TECRL: variants seen among roughly 807,000 people sequenced by gnomAD.
TECRL encodes the protein trans-2,3-enoyl-CoA reductase-like.
A neutral mutation model predicts 52.8 loss-of-function variants in TECRL; 63 were observed. That is an observed-to-expected ratio of 1.19 (90% CI 0.97 to 1.47). The LOEUF (loss-of-function observed/expected upper bound fraction) is 1.47, where lower values mean the gene tolerates loss of function less well. Among genes scored for constraint, TECRL ranks in the 40% most tolerant of loss-of-function variants. The probability of loss-of-function intolerance (pLI) is 0.00; values close to 1 mark genes in which losing one functional copy is unlikely to be tolerated. For synonymous variants in TECRL, 164 were observed against 141.9 expected, an observed-to-expected ratio of 1.16 and a Z score of -1.10; for missense variants, 482 against 429.6, an observed-to-expected ratio of 1.12 and a Z score of -1.08.
intron 2 of TECRL, among the ~76,000 whole-genome samples, chr4:64,355,275 G>A (rs6847836): frequency 0.22 from 33,059 of 151,996 alleles, 3,747 homozygotes; most frequent in East Asian, 0.3. Flanking sequence ...AAATTAAAAC[G>A]AAATTAGATG....
intron 2 of TECRL, among the ~76,000 whole-genome samples, chr4:64,345,448 C>T (rs948073113): frequency 1.0e-4 from 15 of 149,518 alleles, no homozygotes; most frequent in Middle Eastern, 3.5e-3. Flanking sequence ...ACTATCACAA[C>T]GGCAAAAAAC....
In TECRL at chr4:64,305,177, T is replaced by A; in HGVS notation, c.719A>T (p.Tyr240Phe). 1 of 1,612,380 alleles carries A rather than the reference T, an allele frequency of 6.2e-7. No homozygotes were observed. Among genetic ancestry groups the A allele is most frequent in the African/African-American group, 1.3e-5 (1 of 74,964 alleles). ...WIAYYINHPL[Y>F]TPPSFGNRQI... is the part of the protein sequence containing the mutation. ...GAAACCCTACATACATGGTGGTGTA[T>A]ATAGTGGATGATTAATGTAGTAGGC... is the stretch of plus-strand genomic sequence containing the variant. Residue 240 changes from tyrosine to phenylalanine, a missense_variant, in exon 7 of 12, where the codon TAT becomes TTT. Coordinates refer to ENST00000381210, the MANE Select transcript of TECRL (RefSeq NM_001010874.5).
At chr4:64,385,279 G>A (rs145779449) in intron 1 of TECRL, among the ~76,000 whole-genome samples, 1,879 of 152,268 alleles carry the variant, frequency 0.012, 47 homozygotes, top group African/African-American at 0.042. Context: ...TGTTGTGTGA[G>A]CCAGGCCTGT....
intron 1 of TECRL, among the ~76,000 whole-genome samples, chr4:64,384,947 A>T (rs932945749): frequency 2.6e-5 from 4 of 152,168 alleles, no homozygotes; most frequent in African/African-American, 9.7e-5. Context: ...GCCTCCAAAC[A>T]GTGTGCTCAC....
chr4:64,324,997 T>C (rs924604782), intron 3 of TECRL, among the ~76,000 whole-genome samples: 1 of 152,192 alleles, frequency 6.6e-6, no homozygotes, highest in Non-Finnish European at 1.5e-5. Context: ...TAGGTAGTCC[T>C]GATTTATTGC....
chr4:64,349,485 T>C (rs1398061102), intron 2 of TECRL, among the ~76,000 whole-genome samples: 1 of 152,134 alleles, frequency 6.6e-6, no homozygotes, highest in African/African-American at 2.4e-5. Context: ...TGATCTTGCT[T>C]TGAAATATGG....
intron 2 of TECRL, among the ~76,000 whole-genome samples, chr4:64,342,536 GAGA>G (rs1211702449): frequency 1.3e-5 from 2 of 151,936 alleles, no homozygotes; most frequent in Admixed American, 6.6e-5. Flanking sequence ...CCTATCTGAA[GAGA>G]AGGTGATTAC....
rs546938581 is a variant in TECRL at position 64,396,001 on chromosome 4, G to A, written c.234+13117C>T. Among the ~76,000 whole-genome samples, 8 of 152,218 alleles carry A rather than the reference G, an allele frequency of 5.3e-5. No individual in the cohort carries two copies. In the South Asian group the frequency reaches 1.7e-3, roughly 32 times the overall value. ...TCTTCCATGTTGCTACAAAGGACAT[G>A]AGTCTGTTTTTTTATGGCTGTGTAG... On this transcript the variant is annotated intron_variant, in intron 1 of 11. Transcript: ENST00000381210.
intron 2 of TECRL, among the ~76,000 whole-genome samples, chr4:64,359,148 C>A (rs886079330): frequency 6.6e-6 from 1 of 151,812 alleles, no homozygotes; most frequent in Non-Finnish European, 1.5e-5. Flanking sequence ...ATACACTAAT[C>A]CTGTTAATGC....
chr4:64,303,240 GA>G (rs5858873), intron 7 of TECRL, among the ~76,000 whole-genome samples: 92,682 of 150,966 alleles, frequency 0.61, 31,723 homozygotes, highest in Non-Finnish European at 0.76. Context: ...AAATTTTACA[GA>G]AAAAAAACAA....
intron 2 of TECRL, among the ~76,000 whole-genome samples, chr4:64,352,458 G>A (rs1403962509): frequency 6.6e-6 from 1 of 152,152 alleles, no homozygotes; most frequent in Admixed American, 6.5e-5. Context: ...AAGCCTGCAT[G>A]ATTCATAATA....
chr4:64,289,588 A>G lies in TECRL; in HGVS notation c.832+122T>C, dbSNP rs193141306. 3.4e-5 allele frequency: 25 copies of G among 743,480 alleles called. No individual in the cohort carries two copies. In the Admixed American group the frequency reaches 5.8e-4, roughly 17 times the overall value. The allele number at this position is 743,480 out of a possible 1,614,324, so 46.1% of individuals were successfully genotyped here. A position where few individuals can be genotyped will look rare whatever the true frequency, so the allele number is the denominator to read the frequency against. Reference sequence around the variant, plus strand: ...AAAAACTAGACATAAAAGGGAAAAAATGTGGCACATGTATTTCCAACTATT... The same window carrying G: ...AAAAACTAGACATAAAAGGGAAAAAGTGTGGCACATGTATTTCCAACTATT... On this transcript the variant is annotated intron_variant, in intron 9 of 11. Transcript: ENST00000381210.
chr4:64,406,371 G>A (rs966079711), intron 1 of TECRL, among the ~76,000 whole-genome samples: 5 of 151,620 alleles, frequency 3.3e-5, no homozygotes, highest in African/African-American at 1.2e-4. Context: ...TAAGATATTT[G>A]ATAAATATAT....
intron 1 of TECRL, among the ~76,000 whole-genome samples, chr4:64,408,290 T>A (rs900874248): frequency 6.6e-6 from 1 of 151,946 alleles, no homozygotes; most frequent in African/African-American, 2.4e-5. Context: ...AACAAAAACG[T>A]ATTCAATATT....
At chr4:64,386,641 A>G (rs1251411458) in intron 1 of TECRL, among the ~76,000 whole-genome samples, 1 of 152,166 alleles carries the variant, frequency 6.6e-6, no homozygotes, top group East Asian at 1.9e-4. Context: ...TATGACAGAT[A>G]TTAATACTTA....
chr4:64,360,185 C>T (rs1321406635), intron 2 of TECRL, among the ~76,000 whole-genome samples: 1 of 152,092 alleles, frequency 6.6e-6, no homozygotes, highest in South Asian at 2.1e-4. Context: ...ATAGTATTAT[C>T]TCAGTATGTT....
At chr4:64,300,264 T>C (rs1351902699) in intron 7 of TECRL, among the ~76,000 whole-genome samples, 1 of 150,700 alleles carries the variant, frequency 6.6e-6, no homozygotes, top group Non-Finnish European at 1.5e-5. Context: ...TTTGTATTAT[T>C]AAACTCCTTG....
chr4:64,314,065 G>C (rs1717289770), intron 5 of TECRL, among the ~76,000 whole-genome samples: 1 of 150,786 alleles, frequency 6.6e-6, no homozygotes, highest in South Asian at 2.1e-4. Context: ...CAGGAGAATA[G>C]TGTGAACCCG....
At chr4:64,358,427 T>C (rs1279846337) in intron 2 of TECRL, among the ~76,000 whole-genome samples, 1 of 151,798 alleles carries the variant, frequency 6.6e-6, no homozygotes, top group African/African-American at 2.4e-5. Flanking sequence ...CAAAAGTATA[T>C]TTCCAGTAAT....
Sources: allele counts gnomAD v4.1 joint callset (sites outside exome capture counted in the v4.1 genomes callset), GRCh38; gene constraint gnomAD v4.1.1; transcripts MANE v1.5; gene names NCBI Gene and HGNC (gene_info 2026-07-23, HGNC 2026-07-21).